PALD1: variants seen among roughly 807,000 people sequenced by gnomAD.
PALD1 encodes the protein phosphatase domain containing paladin 1.
PALD1 carries 57 observed loss-of-function variants against 96.0 expected under a neutral mutation model. That is an observed-to-expected ratio of 0.59 (90% CI 0.48 to 0.74). The LOEUF (loss-of-function observed/expected upper bound fraction) is 0.74. Among genes scored for constraint, PALD1 ranks in the 30% least tolerant of loss-of-function variants. The pLI is 0.00. For synonymous variants in PALD1, 464 were observed against 473.6 expected (o/e 0.98, Z 0.26); for missense variants, 1,063 against 1,143.7 (o/e 0.93, Z 1.02).
At chr10:70,471,806 C>G in the PALD1 span, among the ~76,000 whole-genome samples, 2 of 152,254 alleles carry the variant, frequency 1.3e-5, no homozygotes, top group Admixed American at 6.5e-5. Context: ...TCCCACCCAT[C>G]AGCAAAACTG....
At chr10:70,530,584 G>A (rs1846971579) in intron 4 of PALD1, among the ~76,000 whole-genome samples, 1 of 152,206 alleles carries the variant, frequency 6.6e-6, no homozygotes. Flanking sequence ...TTCAAGGACT[G>A]TTCTTACCTG....
chr10:70,517,001 C>T (rs916750569), intron 1 of PALD1, among the ~76,000 whole-genome samples: 2 of 152,152 alleles, frequency 1.3e-5, no homozygotes, highest in Admixed American at 6.6e-5. Flanking sequence ...GGCACACAGC[C>T]CAGCTTCAGA....
chr10:70,478,192 C>T (rs1179120795), upstream of PALD1, among the ~76,000 whole-genome samples: 1 of 152,172 alleles, frequency 6.6e-6, no homozygotes, highest in African/African-American at 2.4e-5. Flanking sequence ...GACCCCGGGG[C>T]GTGGGAGAAG....
chr10:70,561,969 G>C (rs1388551959), intron 18 of PALD1, among the ~76,000 whole-genome samples: 2 of 152,328 alleles, frequency 1.3e-5, no homozygotes, highest in East Asian at 3.9e-4. Context: ...CAGGGCCTGT[G>C]AGTAGTTCAT....
intron 18 of PALD1, among the ~76,000 whole-genome samples, chr10:70,549,264 G>A (rs1163628099): frequency 6.6e-6 from 1 of 152,184 alleles, no homozygotes; most frequent in Non-Finnish European, 1.5e-5. Flanking sequence ...CCCACTTTCA[G>A]AGGATGCTGA....
intron 1 of PALD1, among the ~76,000 whole-genome samples, chr10:70,481,098 C>T (rs1845923715): frequency 6.6e-6 from 1 of 152,166 alleles, no homozygotes; most frequent in African/African-American, 2.4e-5. Context: ...TATAGGTAGA[C>T]CCAGCAGAGC....
At chr10:70,459,621 C>T in the PALD1 span, among the ~76,000 whole-genome samples, 1 of 152,238 alleles carries the variant, frequency 6.6e-6, no homozygotes. Context: ...AGACTCCAAA[C>T]AGCCTGCTGT....
intron 1 of PALD1, among the ~76,000 whole-genome samples, chr10:70,524,233 G>C (rs1412810453): frequency 6.6e-6 from 1 of 152,178 alleles, no homozygotes; most frequent in Non-Finnish European, 1.5e-5. Flanking sequence ...GGGGTTGGGG[G>C]CTGGCAGGGC....
At chr10:70,519,573 C>CTTTCTT (rs1240665131) in intron 1 of PALD1, among the ~76,000 whole-genome samples, 11 of 133,692 alleles carry the variant, frequency 8.2e-5, no homozygotes, top group African/African-American at 3.2e-4. Flanking sequence ...TTCTTTCTTT[C>CTTTCTT]TTTTTTTTTT....
At chr10:70,477,978 G>A (rs1230931049), upstream of PALD1, among the ~76,000 whole-genome samples, 4 of 152,158 alleles carry the variant, frequency 2.6e-5, no homozygotes, top group Non-Finnish European at 5.9e-5. Context: ...GGGGCGTGCG[G>A]GGCCGTCGGA....
intron 1 of PALD1, among the ~76,000 whole-genome samples, chr10:70,499,361 G>A (rs1185646394): frequency 6.6e-6 from 1 of 152,184 alleles, no homozygotes; most frequent in Non-Finnish European, 1.5e-5. Context: ...CCAGCCCCAG[G>A]TCCCCTTCCT....
chr10:70,521,346 T>C (rs1452628311), intron 1 of PALD1, among the ~76,000 whole-genome samples: 3 of 152,086 alleles, frequency 2.0e-5, no homozygotes, highest in African/African-American at 7.2e-5. Flanking sequence ...CCAGCTGTCC[T>C]CATCTGAAAA....
At chr10:70,475,738 T>C (rs10762384), upstream of PALD1, among the ~76,000 whole-genome samples, 121,083 of 152,168 alleles carry the variant, frequency 0.8, 49,537 homozygotes, top group East Asian at 0.93. Flanking sequence ...GCTCATGTTT[T>C]TGCCCAGGAA....
intron 5 of PALD1, among the ~76,000 whole-genome samples, chr10:70,532,128 T>G (rs915160): frequency 0.88 from 134,144 of 152,180 alleles, 59,639 homozygotes; most frequent in East Asian, 1. Flanking sequence ...CCTGTTTCAG[T>G]ATCCTCTGTC....
intron 19 of PALD1, among the ~76,000 whole-genome samples, chr10:70,564,912 G>A (rs1847813915): frequency 6.6e-6 from 1 of 152,204 alleles, no homozygotes; most frequent in Admixed American, 6.5e-5. Context: ...CCTCACCTGT[G>A]CTCCGCGAGG....
intron 18 of PALD1, among the ~76,000 whole-genome samples, chr10:70,561,212 G>A (rs927941986): frequency 6.6e-6 from 1 of 152,254 alleles, no homozygotes; most frequent in Non-Finnish European, 1.5e-5. Context: ...CCACGGCTGT[G>A]GGAGAGGATC....
chr10:70,513,075 A>G (rs7073806), intron 1 of PALD1, among the ~76,000 whole-genome samples: 135,309 of 152,290 alleles, frequency 0.89, 60,618 homozygotes, highest in East Asian at 1. Flanking sequence ...TGGGTCCTCA[A>G]GGGCAGAACC....
At chr10:70,532,861 G>A (rs1847024433) in intron 6 of PALD1, 80 bp downstream of exon 6, 2 of 1,556,952 alleles carry the variant, frequency 1.3e-6, no homozygotes, top group Admixed American at 3.4e-5. Context: ...TTCACCATCT[G>A]CAGGTTGGGC....
At chr10:70,477,705 C>T (rs1845847809), upstream of PALD1, among the ~76,000 whole-genome samples, 1 of 152,236 alleles carries the variant, frequency 6.6e-6, no homozygotes, top group Non-Finnish European at 1.5e-5. Flanking sequence ...GTGTTCCCCT[C>T]TCCCAGCCCA....
Sources: gnomAD v4.1 joint callset for allele counts (sites outside exome capture counted in the v4.1 genomes callset) on GRCh38, gnomAD v4.1.1 for gene constraint, MANE v1.5 for transcripts, NCBI Gene and HGNC (gene_info 2026-07-23, HGNC 2026-07-21) for gene names.